Variants in TTC39A observed in about 807,000 individuals in gnomAD.
The protein encoded by TTC39A is tetratricopeptide repeat domain 39A.
A neutral mutation model predicts 82.3 loss-of-function variants in TTC39A; 46 were observed. The observed-to-expected ratio is 0.56, with a 90% confidence interval of 0.44 to 0.71. The LOEUF (loss-of-function observed/expected upper bound fraction) is 0.71, where lower values mean the gene tolerates loss of function less well. Ranked by LOEUF, TTC39A falls within the 30% of genes least tolerant of loss-of-function variation. The probability of loss-of-function intolerance (pLI) is 0.00; values close to 1 mark genes in which losing one functional copy is unlikely to be tolerated. For synonymous variants in TTC39A, 254 were observed against 275.2 expected (o/e 0.92, Z 0.76); for missense variants, 543 against 712.9 (o/e 0.76, Z 2.71).
chr1:51,312,048 C>T, intron 4 of TTC39A, 71 bp downstream of exon 4: 4 of 1,500,592 alleles, frequency 2.7e-6, no homozygotes, highest in Non-Finnish European at 3.6e-6. Context: ...GGGAAGAAAA[C>T]TGCCCCTTCC....
chr1:51,290,295 A>G (rs1644154716), intron 15 of TTC39A, among the ~76,000 whole-genome samples, 176 bp from the exon 16 acceptor site: 1 of 152,232 alleles, frequency 6.6e-6, no homozygotes, highest in Non-Finnish European at 1.5e-5. Flanking sequence ...ATGACAATAC[A>G]GTGAGGTCAG....
intron 2 of TTC39A, among the ~76,000 whole-genome samples, chr1:51,318,422 C>G (rs969560748): frequency 6.6e-6 from 1 of 152,136 alleles, no homozygotes; most frequent in South Asian, 2.1e-4. Context: ...ACCCACCCAG[C>G]CTGACCCCCT....
At chr1:51,303,020 C>G (rs1390776722) in intron 9 of TTC39A, 64 bp downstream of exon 9, 1 of 1,428,976 alleles carries the variant, frequency 7.0e-7, no homozygotes, top group Admixed American at 2.0e-5. Flanking sequence ...TCTGTAGCCC[C>G]TCGTTCTCCT....
intron 1 of TTC39A, chr1:51,329,909 T>C (rs1645842837): frequency 6.4e-6 from 1 of 155,586 alleles, no homozygotes; most frequent in African/African-American, 2.4e-5. Context: ...CCCAGGTTCC[T>C]GCTGCACCCA....
Position 51,294,570 on chromosome 1 carries a change from T to A in TTC39A, c.1146-59A>T. ...AAAAAGAGCAGGAGAGGGCAGAGGG[T>A]CCCCAGCCTACCCAGCTATGCTTGG... On this transcript the variant is annotated intron_variant, in intron 13 of 17. Transcript: ENST00000680483. The surrounding 1 kb of genome is among the most constrained non-coding windows in gnomAD (Gnocchi z 4.3). 6.2e-7 allele frequency: 1 copy of A among 1,605,818 alleles called. No individual in the cohort carries two copies. Among genetic ancestry groups the A allele is most frequent in the South Asian group, 1.1e-5 (1 of 90,024 alleles).
At chr1:51,311,165 T>A (rs1645068847) in intron 5 of TTC39A, 89 bp downstream of exon 5, 1 of 1,283,884 alleles carries the variant, frequency 7.8e-7, no homozygotes, top group Non-Finnish European at 1.1e-6. Flanking sequence ...GGGGGATGGG[T>A]CACAGTTGCT....
chr1:51,315,362 C>T (rs1645244245), intron 2 of TTC39A, among the ~76,000 whole-genome samples: 1 of 152,210 alleles, frequency 6.6e-6, no homozygotes, highest in Non-Finnish European at 1.5e-5. Flanking sequence ...TTAGCTTGTA[C>T]CCAAGTTTGT....
chr1:51,309,220 G>A (rs1314734874), intron 6 of TTC39A, 41 bp downstream of exon 6: 2 of 1,572,228 alleles, frequency 1.3e-6, no homozygotes, highest in South Asian at 2.4e-5. Flanking sequence ...AGATGCTGTG[G>A]CCCAGGGTCT....
At position 51,342,438 on chromosome 1, in the gene TTC39A, A is replaced by G. The variant is rs80289179; in HGVS notation, c.53+2553T>C. Reference sequence around the variant, plus strand: ...CAGCTCAGAGAGTAGCTATTATTTTACAGCTGAGGAAACTGAGGCTCACAC... The same window carrying G: ...CAGCTCAGAGAGTAGCTATTATTTTGCAGCTGAGGAAACTGAGGCTCACAC... On this transcript the variant is annotated intron_variant, in intron 1 of 5. Transcript: ENST00000401051. Among the ~76,000 whole-genome samples the G allele has an allele frequency of 1.4e-3, 219 of 152,324 alleles. 5 individuals are homozygous for G. The East Asian group carries it at 0.038, about 26-fold the overall frequency.
chr1:51,326,542 A>G (rs1645718676), intron 1 of TTC39A, among the ~76,000 whole-genome samples: 1 of 152,158 alleles, frequency 6.6e-6, no homozygotes, highest in South Asian at 2.1e-4. Flanking sequence ...CCATCGCCAC[A>G]AAGAGATTAC....
chr1:51,293,353 C>A lies in TTC39A; in HGVS notation c.1266+1038G>T, dbSNP rs189492627. Reference sequence around the variant, plus strand: ...AAGTGCTGGGATTACAGGCGTGAGCCACCATGCCTGGCCTATGGTATATTT... The same window carrying A: ...AAGTGCTGGGATTACAGGCGTGAGCAACCATGCCTGGCCTATGGTATATTT... On this transcript the variant is annotated intron_variant, in intron 14 of 17. Coordinates refer to ENST00000680483, the MANE Select transcript of TTC39A (RefSeq NM_001297663.2). Among the ~76,000 whole-genome samples the A allele has an allele frequency of 5.3e-5, 8 of 152,280 alleles. No homozygotes were observed. In the East Asian group the frequency reaches 1.5e-3, roughly 29 times the overall value.
Position 51,307,681 on chromosome 1 carries a change from G to A in TTC39A, c.488+1580C>T, listed in dbSNP as rs1644922526. On this transcript the variant is annotated intron_variant, in intron 6 of 17. Transcript: ENST00000680483. ...ATCTGGGAGGCAGAGGTTGCAATGA[G>A]CTGAGACTATGCCACTGCACTCCAG... Among the ~76,000 whole-genome samples, 5 of 147,694 alleles carry A rather than the reference G, an allele frequency of 3.4e-5. No individual in the cohort carries two copies. The South Asian group carries it at 1.1e-3, about 32-fold the overall frequency.
At chr1:51,305,599 A>T (rs1018006132) in intron 7 of TTC39A, 1 of 321,466 alleles carries the variant, frequency 3.1e-6, no homozygotes, top group Non-Finnish European at 5.9e-6. Context: ...CTAAGTCATC[A>T]GCTGGTTTCA....
chr1:51,302,856 A>G (rs1644726334), intron 9 of TTC39A, among the ~76,000 whole-genome samples: 2 of 152,320 alleles, frequency 1.3e-5, no homozygotes, highest in Admixed American at 1.3e-4. Flanking sequence ...CAGGGTGGGC[A>G]CAACCACCCC....
intron 2 of TTC39A, among the ~76,000 whole-genome samples, chr1:51,317,003 G>T (rs1645309431): frequency 6.6e-6 from 1 of 152,208 alleles, no homozygotes; most frequent in Admixed American, 6.5e-5. Context: ...TAGCCTCCAT[G>T]TCCCAGAGAC....
chr1:51,331,032 G>A, upstream of TTC39A: 1 of 782,774 alleles, frequency 1.3e-6, no homozygotes, highest in Non-Finnish European at 2.2e-6. Context: ...GGGAAAACAC[G>A]GTTTAGCACT....
At chr1:51,324,676 C>A (rs1645646862) in intron 1 of TTC39A, among the ~76,000 whole-genome samples, 1 of 151,912 alleles carries the variant, frequency 6.6e-6, no homozygotes, top group African/African-American at 2.4e-5. Flanking sequence ...TGCCCACCAC[C>A]ATGCCCGACT....
At chr1:51,342,915 C>T (rs1023667475) in intron 1 of TTC39A, 1 of 407,332 alleles carries the variant, frequency 2.5e-6, no homozygotes, top group East Asian at 7.4e-5. Flanking sequence ...CCTCCATTCT[C>T]CTAACCCATA....
rs1345257903 is a variant in TTC39A, at chr1:51,288,694, G to A, written c.1610+145C>T. 11 of 709,148 alleles carry A rather than the reference G, an allele frequency of 1.6e-5. No individual in the cohort carries two copies. The highest frequency in any genetic ancestry group is 1.1e-4 in the East Asian group (4 of 36,766). 43.9% of individuals were successfully genotyped at this position (709,148 alleles called of 1,614,324 possible). On this transcript the variant is annotated intron_variant, in intron 17 of 17. Coordinates refer to ENST00000680483, the MANE Select transcript of TTC39A (RefSeq NM_001297663.2). The surrounding 1 kb of genome is among the most constrained non-coding windows in gnomAD (Gnocchi z 4.8). ...CTATGACAGGCGAGAGCTGGATTCC[G>A]AGGGACACAGGTCCACCCTCTAGAC...
Sources: allele counts gnomAD v4.1 joint callset (sites outside exome capture counted in the v4.1 genomes callset), GRCh38; gene constraint gnomAD v4.1.1; non-coding constraint Gnocchi (gnomAD v3.1); transcripts MANE v1.5; gene names NCBI Gene and HGNC (gene_info 2026-07-23, HGNC 2026-07-21).